Variants in IGSF21 observed in about 807,000 individuals in gnomAD.
IGSF21 encodes immunoglobin superfamily member 21, also known as immunoglobulin superfamily member 21.
Under a neutral mutation model 46.8 loss-of-function variants are expected in IGSF21, and 28 were observed. The ratio of observed to expected loss-of-function variants is 0.60; its 90% CI spans 0.44 to 0.82. The LOEUF is 0.82. Ranked by LOEUF, IGSF21 falls within the 40% of genes least tolerant of loss-of-function variation. The probability of loss-of-function intolerance (pLI) is 0.00; values close to 1 mark genes in which losing one functional copy is unlikely to be tolerated. For missense variants in IGSF21, 624 were observed against 665.5 expected (o/e 0.94, Z 0.69); for synonymous variants, 284 against 273.6 (o/e 1.04, Z -0.38).
intron 1 of IGSF21, among the ~76,000 whole-genome samples, chr1:18,149,845 A>T (rs9728660): frequency 0.39 from 59,246 of 151,930 alleles, 11,997 homozygotes; most frequent in East Asian, 0.58. Context: ...TAAAAGGTAG[A>T]TCTGGGGAGC....
rs536306252 is a variant in IGSF21, at chr1:18,133,824, C to A, written c.70+25626C>A. On this transcript the variant is annotated intron_variant, in intron 1 of 9. Transcript: ENST00000251296. ...GCTTTGTTGGCTTGGTCACTGCAGGCACGTTGTAGGGGCTCGTGAATATTT... is the reference window on the plus strand; with the variant it reads ...GCTTTGTTGGCTTGGTCACTGCAGGAACGTTGTAGGGGCTCGTGAATATTT... 2.6e-5 allele frequency among the ~76,000 whole-genome samples: 4 copies of A among 152,364 alleles called. No homozygotes were observed. The South Asian group carries it at 8.3e-4, about 32-fold the overall frequency.
rs2124622923 is a variant in IGSF21 at position 18,354,103 on chromosome 1, C to G, written c.425-8012C>G. Among the ~76,000 whole-genome samples the G allele has an allele frequency of 2.0e-5, 3 of 152,332 alleles. No homozygotes were observed. In the South Asian group the frequency reaches 6.2e-4, roughly 32 times the overall value. ...CAAGTAGCAATGAGTATGAAAAGCACAGGGTGCTCCAGGCACCCAGAGGAC... is the reference window on the plus strand; with the variant it reads ...CAAGTAGCAATGAGTATGAAAAGCAGAGGGTGCTCCAGGCACCCAGAGGAC... On this transcript the variant is annotated intron_variant, in intron 4 of 9. Transcript: ENST00000251296.
intron 1 of IGSF21, among the ~76,000 whole-genome samples, chr1:18,153,404 G>C (rs2124436003): frequency 6.6e-6 from 1 of 152,320 alleles, no homozygotes; most frequent in South Asian, 2.1e-4. Flanking sequence ...GCGGGGCTCA[G>C]AGCTGCTCAG....
At chr1:18,254,766 T>A (rs2084874578) in intron 2 of IGSF21, among the ~76,000 whole-genome samples, 1 of 152,378 alleles carries the variant, frequency 6.6e-6, no homozygotes, top group Admixed American at 6.5e-5. Context: ...GTTCCACTTC[T>A]GGAATCTTCC....
At chr1:18,300,239 TG>T (rs1401640022) in intron 3 of IGSF21, among the ~76,000 whole-genome samples, 2 of 151,526 alleles carry the variant, frequency 1.3e-5, no homozygotes, top group Admixed American at 6.6e-5. Flanking sequence ...GAGCAAGACC[TG>T]GGGAACCTGG....
intron 2 of IGSF21, among the ~76,000 whole-genome samples, chr1:18,264,667 G>C (rs1050691736): frequency 3.3e-5 from 5 of 152,166 alleles, no homozygotes; most frequent in Admixed American, 6.5e-5. Context: ...AGCTATGTCT[G>C]CCCCCAGACC....
intron 2 of IGSF21, among the ~76,000 whole-genome samples, chr1:18,261,056 T>C (rs955829530): frequency 2.0e-5 from 3 of 152,194 alleles, no homozygotes; most frequent in Non-Finnish European, 4.4e-5. Context: ...TCTTGTATTT[T>C]GATTCAAATG....
intron 1 of IGSF21, among the ~76,000 whole-genome samples, chr1:18,201,461 C>A (rs1160977243): frequency 3.9e-5 from 6 of 152,176 alleles, no homozygotes; most frequent in Non-Finnish European, 7.4e-5. Flanking sequence ...ACACAACGAG[C>A]ACTGGAATTT....
At chr1:18,121,630 T>C (rs1213802370) in intron 1 of IGSF21, among the ~76,000 whole-genome samples, 2 of 152,192 alleles carry the variant, frequency 1.3e-5, no homozygotes, top group Admixed American at 6.5e-5. Context: ...CGACATGCCA[T>C]CTGTCGGATC....
chr1:18,209,123 G>A (rs987911634), intron 1 of IGSF21, among the ~76,000 whole-genome samples: 5 of 152,182 alleles, frequency 3.3e-5, no homozygotes, highest in African/African-American at 7.2e-5. Flanking sequence ...CGAGTTGCTC[G>A]CTTGAGCATT....
At chr1:18,115,565 T>A (rs1375579055) in intron 1 of IGSF21, 1 of 152,222 alleles carries the variant, frequency 6.6e-6, no homozygotes, top group African/African-American at 2.4e-5. Flanking sequence ...CAGTTGCCTC[T>A]GGAAGTCCTT....
chr1:18,129,061 C>T (rs1004934150), intron 1 of IGSF21, among the ~76,000 whole-genome samples: 4 of 152,124 alleles, frequency 2.6e-5, no homozygotes, highest in Admixed American at 6.5e-5. Flanking sequence ...ATTAAGGTGG[C>T]GGTCCGTGCA....
intron 1 of IGSF21, among the ~76,000 whole-genome samples, chr1:18,215,161 G>A (rs573410223): frequency 6.6e-6 from 1 of 152,314 alleles, no homozygotes; most frequent in South Asian, 2.1e-4. Flanking sequence ...GACACGTGGG[G>A]ATTACAATTC....
intron 2 of IGSF21, among the ~76,000 whole-genome samples, chr1:18,272,971 G>A (rs958713844): frequency 3.4e-5 from 5 of 149,252 alleles, no homozygotes; most frequent in East Asian, 2.0e-4. Flanking sequence ...GTCTTTCCCC[G>A]TTACTGGCCA....
intron 3 of IGSF21, among the ~76,000 whole-genome samples, chr1:18,318,462 G>A (rs71587763): frequency 0.35 from 38,242 of 108,630 alleles, 5,247 homozygotes; most frequent in African/African-American, 0.4. Flanking sequence ...GTGTGCGTGC[G>A]TGCGTGTGTG....
At chr1:18,148,940 A>C (rs74792281) in intron 1 of IGSF21, among the ~76,000 whole-genome samples, 8,132 of 152,294 alleles carry the variant, frequency 0.053, 288 homozygotes, top group East Asian at 0.083. Flanking sequence ...TACTCATTAA[A>C]AAAGCCGGAG....
intron 3 of IGSF21, among the ~76,000 whole-genome samples, chr1:18,320,705 A>G (rs1168263719): frequency 6.6e-6 from 1 of 152,110 alleles, no homozygotes; most frequent in Non-Finnish European, 1.5e-5. Context: ...ATTCTCAAAT[A>G]TTTTATCTTG....
intron 4 of IGSF21, among the ~76,000 whole-genome samples, chr1:18,345,145 CCTT>C (rs1474159239): frequency 1.3e-5 from 2 of 152,340 alleles, no homozygotes; most frequent in East Asian, 1.9e-4. Flanking sequence ...TGCCTGCACT[CCTT>C]CTTACCAGTC....
At chr1:18,153,020 G>A (rs1436915790) in intron 1 of IGSF21, among the ~76,000 whole-genome samples, 2 of 152,210 alleles carry the variant, frequency 1.3e-5, no homozygotes, top group Non-Finnish European at 2.9e-5. Context: ...GAGGGTTGAT[G>A]TTGATTGCTT....
Sources: gnomAD v4.1 joint callset for allele counts (sites outside exome capture counted in the v4.1 genomes callset) on GRCh38, gnomAD v4.1.1 for gene constraint, MANE v1.5 for transcripts, NCBI Gene and HGNC (gene_info 2026-07-23, HGNC 2026-07-21) for gene names.